The following ATXN7L1 variants were observed in gnomAD, a reference collection of about 807,000 sequenced individuals.
The protein encoded by ATXN7L1 is ataxin 7 like 1, also known as ataxin-7-like protein 1.
ATXN7L1 carries 15 observed loss-of-function variants against 70.8 expected under a neutral mutation model. The observed-to-expected ratio is 0.21, with a 90% CI of 0.14 to 0.33. The LOEUF (loss-of-function observed/expected upper bound fraction) is 0.33. ATXN7L1 is among the 10% of genes least tolerant of loss of function. ATXN7L1 has a pLI of 1.00. For synonymous variants in ATXN7L1, 440 were observed against 445.1 expected (o/e 0.99, Z 0.14); for missense variants, 975 against 1,097.1 (o/e 0.89, Z 1.57).
intron 2 of ATXN7L1, among the ~76,000 whole-genome samples, chr7:105,806,394 C>T (rs1343015817): frequency 6.6e-6 from 1 of 152,094 alleles, no homozygotes; most frequent in Non-Finnish European, 1.5e-5. Flanking sequence ...TGTCAGCCTC[C>T]AAAATTGTGA....
chr7:105,689,008 T>C (rs1790371961), intron 3 of ATXN7L1, among the ~76,000 whole-genome samples: 1 of 152,230 alleles, frequency 6.6e-6, no homozygotes, highest in South Asian at 2.1e-4. Context: ...TATGGCAAAG[T>C]GAGGTCGCTG....
intron 6 of ATXN7L1, 120 bp from the exon 7 acceptor site, chr7:105,638,729 T>C: frequency 7.7e-7 from 1 of 1,294,396 alleles, no homozygotes; most frequent in Non-Finnish European, 1.0e-6. Flanking sequence ...AAAAGTCAAC[T>C]TCAAGGCAAC....
At position 105,654,301 on chromosome 7, in the gene ATXN7L1, C is replaced by T. The variant is rs846943; in HGVS notation, c.578+10765G>A. Among the ~76,000 whole-genome samples, 1,405 of 152,334 alleles carry T rather than the reference C, an allele frequency of 9.2e-3. 17 individuals are homozygous for T. The highest frequency in any genetic ancestry group is 0.032 in the African/African-American group (1,319 of 41,574). ...TGTGCAATGACAAAGGTGAAGTGTC[C>T]GCTCATAGCGGCACATGCTGCACAC... On this transcript the variant is annotated intron_variant, in intron 4 of 11. Transcript: ENST00000419735.
At chr7:105,716,648 G>T (rs1293591628) in intron 3 of ATXN7L1, among the ~76,000 whole-genome samples, 1 of 145,230 alleles carries the variant, frequency 6.9e-6, no homozygotes, top group African/African-American at 2.5e-5. Context: ...TGGGCAACAT[G>T]GCGAAAACCT....
At chr7:105,641,991 G>T (rs1798327352) in intron 5 of ATXN7L1, among the ~76,000 whole-genome samples, 1 of 152,140 alleles carries the variant, frequency 6.6e-6, no homozygotes, top group Admixed American at 6.5e-5. Context: ...TCTGTCACAG[G>T]GTGGCTGTCA....
intron 3 of ATXN7L1, among the ~76,000 whole-genome samples, chr7:105,700,588 G>C (rs1280672596): frequency 6.6e-6 from 1 of 151,102 alleles, no homozygotes; most frequent in African/African-American, 2.4e-5. Flanking sequence ...CTGAGCCCCT[G>C]TGTATGAGGA....
chr7:105,641,584 G>A (rs865816144), intron 5 of ATXN7L1, among the ~76,000 whole-genome samples: 6 of 152,378 alleles, frequency 3.9e-5, no homozygotes, highest in Middle Eastern at 3.4e-3. Context: ...CTGCTATGGC[G>A]AGGAGCCCTC....
chr7:105,805,296 G>A lies in ATXN7L1; in HGVS notation c.251-16588C>T, dbSNP rs140523986. Among the ~76,000 whole-genome samples, 403 of 152,318 alleles carry A rather than the reference G, an allele frequency of 2.6e-3. 4 individuals are homozygous for A. The highest frequency in any genetic ancestry group is 9.2e-3 in the African/African-American group (384 of 41,582). ...TGGGGGCAGGCGAGAACTTGCCAGGGCCCTTAGTGCTGTGGGGTGGGAAGG... is the reference window on the plus strand; with the variant it reads ...TGGGGGCAGGCGAGAACTTGCCAGGACCCTTAGTGCTGTGGGGTGGGAAGG... On this transcript the variant is annotated intron_variant, in intron 2 of 11. Transcript: ENST00000419735.
At chr7:105,828,118 A>T (rs1267818622) in intron 2 of ATXN7L1, among the ~76,000 whole-genome samples, 1 of 152,122 alleles carries the variant, frequency 6.6e-6, no homozygotes, top group Admixed American at 6.5e-5. Flanking sequence ...AAATTACATA[A>T]CTTGCCCCAA....
intron 2 of ATXN7L1, among the ~76,000 whole-genome samples, chr7:105,851,672 GT>G (rs1297604066): frequency 6.6e-6 from 1 of 152,104 alleles, no homozygotes; most frequent in Non-Finnish European, 1.5e-5. Context: ...CTGGGCACAG[GT>G]GTGTCTCCCC....
chr7:105,607,624 G>A lies in ATXN7L1; in HGVS notation c.*228C>T, dbSNP rs545636720. 1.6e-4 allele frequency: 87 copies of A among 550,690 alleles called. No homozygotes were observed. The highest frequency in any genetic ancestry group is 1.2e-3 in the African/African-American group (64 of 53,256). The allele number at this position is 550,690 out of a possible 1,614,324, so 34.1% of individuals were successfully genotyped here. On this transcript the variant is annotated 3_prime_UTR_variant, in exon 12 of 12. Transcript: ENST00000419735. ...CATGGCAAATGAAAGGAAAGACAGC[G>A]GAAACCAAACACTGGAACTGTTTTC...
At chr7:105,624,406 C>T in intron 7 of ATXN7L1, 139 bp from the exon 8 acceptor site, 2 of 822,096 alleles carry the variant, frequency 2.4e-6, no homozygotes, top group Non-Finnish European at 3.3e-6. Flanking sequence ...AATCCCGGCA[C>T]TTTGGGAGGC....
At chr7:105,656,549 GCT>G (rs1408902619) in intron 4 of ATXN7L1, among the ~76,000 whole-genome samples, 1 of 151,552 alleles carries the variant, frequency 6.6e-6, no homozygotes, top group Non-Finnish European at 1.5e-5. Context: ...ACATGGCAAT[GCT>G]CTGTTTTCCC....
intron 7 of ATXN7L1, among the ~76,000 whole-genome samples, chr7:105,633,758 G>A (rs1326714058): frequency 1.3e-5 from 2 of 152,106 alleles, no homozygotes; most frequent in Non-Finnish European, 2.9e-5. Context: ...GTGTAATTAA[G>A]AAGAAAAGTG....
chr7:105,659,452 G>A (rs897344229), intron 4 of ATXN7L1, among the ~76,000 whole-genome samples: 2 of 152,182 alleles, frequency 1.3e-5, no homozygotes, highest in Non-Finnish European at 2.9e-5. Flanking sequence ...GTCTATGGCC[G>A]ACCAGAGAAA....
chr7:105,729,722 G>A (rs893551616), intron 3 of ATXN7L1, among the ~76,000 whole-genome samples: 3 of 146,710 alleles, frequency 2.0e-5, no homozygotes. Flanking sequence ...GAGCCACTGT[G>A]CCTGGCACCA....
At chr7:105,875,553 G>A (rs1819005274) in intron 2 of ATXN7L1, among the ~76,000 whole-genome samples, 1 of 151,064 alleles carries the variant, frequency 6.6e-6, no homozygotes, top group African/African-American at 2.4e-5. Flanking sequence ...TGGCAGATAT[G>A]CATCAGAAGG....
In ATXN7L1 at chr7:105,856,967, C is replaced by A. The variant is rs534424327; in HGVS notation, c.250+18845G>T. ...AAAAAAGACGGCATGGAGTTAGGCA[C>A]TGAGTGTGTCTACAACTGGAATAAA... On this transcript the variant is annotated intron_variant, in intron 2 of 11. Coordinates refer to ENST00000419735, the MANE Select transcript of ATXN7L1 (RefSeq NM_020725.2). Among the ~76,000 whole-genome samples the A allele has an allele frequency of 3.3e-5, 5 of 152,292 alleles. No homozygotes were observed. The South Asian group carries it at 1.0e-3, about 32-fold the overall frequency.
Position 105,687,766 on chromosome 7 carries a change from C to A in ATXN7L1, c.356-22478G>T, listed in dbSNP as rs191930806. Reference sequence around the variant, plus strand: ...CTAGGTGCAGCTCGGATGCATCCTCCTCCTTGGGCTGTGTTTCAGAGCAGT... The same window carrying A: ...CTAGGTGCAGCTCGGATGCATCCTCATCCTTGGGCTGTGTTTCAGAGCAGT... On this transcript the variant is annotated intron_variant, in intron 3 of 11. Coordinates refer to ENST00000419735, the MANE Select transcript of ATXN7L1 (RefSeq NM_020725.2). Among the ~76,000 whole-genome samples, 31 of 152,256 alleles carry A rather than the reference C, an allele frequency of 2.0e-4. No individual in the cohort carries two copies. The East Asian group carries it at 6.0e-3, about 29-fold the overall frequency.
Sources: allele counts gnomAD v4.1 joint callset (sites outside exome capture counted in the v4.1 genomes callset), GRCh38; gene constraint gnomAD v4.1.1; transcripts MANE v1.5; gene names NCBI Gene and HGNC (gene_info 2026-07-23, HGNC 2026-07-21).